CLIC2: variants seen among roughly 807,000 people sequenced by gnomAD.
CLIC2 encodes CLIC family member 2, also known as chloride intracellular channel protein 2.
A neutral mutation model predicts 14.8 loss-of-function variants in CLIC2; 9 were observed. That is an observed-to-expected ratio of 0.61 (90% CI 0.37 to 1.06). The LOEUF (loss-of-function observed/expected upper bound fraction) is 1.06. CLIC2 is among the 50% of genes least tolerant of loss of function. CLIC2 has a pLI of 0.01. For synonymous variants in CLIC2, 61 were observed against 66.3 expected, an observed-to-expected ratio of 0.92 and a Z score of 0.39; for missense variants, 148 against 181.4, an observed-to-expected ratio of 0.82 and a Z score of 1.06.
chrX:155,305,297 C>T (rs1327404948), intron 1 of CLIC2, among the ~76,000 whole-genome samples: 4 of 112,267 alleles, frequency 3.6e-5, no homozygotes, highest in Non-Finnish European at 7.5e-5. Context: ...TTTAAGCCCG[C>T]CGGAAAAGCG....
chrX:155,288,688 T>G (rs1219784183), intron 3 of CLIC2, among the ~76,000 whole-genome samples: 4 of 111,796 alleles, frequency 3.6e-5, no homozygotes, highest in African/African-American at 1.3e-4. Context: ...TTTGCATGTT[T>G]AAATACTATA....
At chrX:155,297,860 C>CAAAAAAAAAAAAAAAAAAAAAAAAAAA (rs200891873) in intron 3 of CLIC2, among the ~76,000 whole-genome samples, 1 of 5,123 alleles carries the variant, frequency 2.0e-4, no homozygotes, top group African/African-American at 4.3e-4. Context: ...ACTCCGGTCT[C>CAAAAAAAAAAAAAAAAAAAAAAAAAAA]AAAAAAAAAA....
At chrX:155,325,926 G>C (rs1261253375) in intron 1 of CLIC2, among the ~76,000 whole-genome samples, 4 of 105,293 alleles carry the variant, frequency 3.8e-5, no homozygotes, top group African/African-American at 1.4e-4. Context: ...CTCAGGAATG[G>C]AAAGCCAAAC....
intron 1 of CLIC2, chrX:155,310,468 AT>A: frequency 3.7e-6 from 1 of 270,634 alleles, no homozygotes; most frequent in Non-Finnish European, 7.4e-6. Context: ...TTGCATTTGC[AT>A]TTTTCTCACC....
At chrX:155,299,277 G>A in intron 1 of CLIC2, 132 bp from the exon 2 acceptor site, 1 of 505,980 alleles carries the variant, frequency 2.0e-6, no homozygotes, top group East Asian at 3.8e-5. Context: ...ATCATCTATG[G>A]ACAGAGAGAT....
At chrX:155,290,579 T>C (rs2074960847) in intron 3 of CLIC2, 2 of 630,162 alleles carry the variant, frequency 3.2e-6, no homozygotes, top group Non-Finnish European at 2.7e-6. Flanking sequence ...ACAGCATCCG[T>C]TCTCTTATAC....
At chrX:155,298,664 C>A in intron 3 of CLIC2, 121 bp downstream of exon 3, 1 of 758,215 alleles carries the variant, frequency 1.3e-6, no homozygotes, top group Non-Finnish European at 2.0e-6. Flanking sequence ...GCATGTGTGT[C>A]ATTTGACATG....
At chrX:155,287,689 C>T (rs909258007) in intron 3 of CLIC2, among the ~76,000 whole-genome samples, 5 of 112,104 alleles carry the variant, frequency 4.5e-5, no homozygotes, top group Non-Finnish European at 5.6e-5. Context: ...TGCGATACTT[C>T]CAGCTTTGTT....
chrX:155,334,534 TAAG>T lies in CLIC2; in HGVS notation c.-110_-108del. ...AAAGACTCAAGTAATGTTGGTGCTTTAAGAAGACCGTCTAGCTTGTAGTGGACT... is the reference window on the plus strand; with the variant it reads ...AAAGACTCAAGTAATGTTGGTGCTTTAAGACCGTCTAGCTTGTAGTGGACT... On this transcript the variant is annotated 5_prime_UTR_variant, in exon 1 of 6. Transcript: ENST00000369449. 1 of 686,212 alleles carries T rather than the reference TAAG, an allele frequency of 1.5e-6. No homozygotes were observed. The highest frequency in any genetic ancestry group is 2.4e-6 in the Non-Finnish European group (1 of 421,169). 56.6% of individuals were successfully genotyped at this position (686,212 alleles called of 1,213,427 possible).
intron 1 of CLIC2, among the ~76,000 whole-genome samples, chrX:155,325,766 ATATATATATATATATATATATATATATAT>A (rs2075134592): frequency 5.8e-5 from 1 of 17,272 alleles, no homozygotes; most frequent in African/African-American, 4.2e-4. Flanking sequence ...AATGTGATAT[ATATATATATATATATATATATATATATAT>A]ATATATATAT....
rs2075168021 is a variant in CLIC2 at position 155,334,596 on chromosome X, A to C, written c.-169T>G. 1 of 468,574 alleles carries C rather than the reference A, an allele frequency of 2.1e-6. No individual in the cohort carries two copies. The highest frequency in any genetic ancestry group is 3.8e-6 in the Non-Finnish European group (1 of 262,105). The allele number at this position is 468,574 out of a possible 1,213,427, so 38.6% of individuals were successfully genotyped here. On this transcript the variant is annotated 5_prime_UTR_variant, in exon 1 of 6. Coordinates refer to ENST00000369449, the MANE Select transcript of CLIC2 (RefSeq NM_001289.6). ...CCTGGAGCCAGTCTCTTCTCTCAAG[A>C]GGTGTGACGCAGAAAATTCTAGATG...
At chrX:155,298,132 A>G (rs1251093996) in intron 3 of CLIC2, among the ~76,000 whole-genome samples, 2 of 110,158 alleles carry the variant, frequency 1.8e-5, no homozygotes, top group African/African-American at 3.3e-5. Context: ...TTCCCGACCA[A>G]CACCTTGAAT....
intron 1 of CLIC2, among the ~76,000 whole-genome samples, chrX:155,312,139 C>A (rs2075076738): frequency 8.9e-6 from 1 of 112,096 alleles, no homozygotes; most frequent in Non-Finnish European, 1.9e-5. Flanking sequence ...TTGATAGTTT[C>A]TTTTGCTGTG....
chrX:155,333,841 T>G (rs2075165279), intron 1 of CLIC2, among the ~76,000 whole-genome samples: 1 of 110,336 alleles, frequency 9.1e-6, no homozygotes, highest in South Asian at 3.8e-4. Context: ...TTTCTCCCAG[T>G]GTCCATGTGA....
At chrX:155,308,415 CA>C (rs1325991104) in intron 1 of CLIC2, among the ~76,000 whole-genome samples, 3 of 110,665 alleles carry the variant, frequency 2.7e-5, no homozygotes, top group African/African-American at 9.9e-5. Context: ...ATGAAATCTA[CA>C]AAATAGCTTC....
At chrX:155,297,836 G>A (rs2074998162) in intron 3 of CLIC2, among the ~76,000 whole-genome samples, 1 of 63,457 alleles carries the variant, frequency 1.6e-5, no homozygotes, top group Middle Eastern at 0.015. Flanking sequence ...CTCCAGCCTG[G>A]GCGACAGAGC....
intron 1 of CLIC2, among the ~76,000 whole-genome samples, chrX:155,331,684 C>T (rs782209027): frequency 6.3e-5 from 7 of 111,017 alleles, no homozygotes; most frequent in Admixed American, 3.9e-4. Context: ...CAAGTACAGT[C>T]GGCTAATCAA....
intron 1 of CLIC2, among the ~76,000 whole-genome samples, chrX:155,312,116 T>C (rs1557320657): frequency 1.8e-5 from 2 of 112,003 alleles, no homozygotes; most frequent in African/African-American, 6.5e-5. Flanking sequence ...CTGTAGGTTG[T>C]CTGTTTACTG....
chrX:155,299,389 C>T (rs782792110), intron 1 of CLIC2, among the ~76,000 whole-genome samples: 4 of 109,916 alleles, frequency 3.6e-5, no homozygotes, highest in South Asian at 3.9e-4. Context: ...TATAATTTTC[C>T]TATTGATAGA....
Sources: allele counts gnomAD v4.1 joint callset (sites outside exome capture counted in the v4.1 genomes callset), GRCh38; gene constraint gnomAD v4.1.1; transcripts MANE v1.5; gene names NCBI Gene and HGNC (gene_info 2026-07-23, HGNC 2026-07-21).